The following FLT1 variants were observed in gnomAD, a reference collection of about 807,000 sequenced individuals.
FLT1 encodes the protein vascular endothelial growth factor receptor 1.
Under a neutral mutation model 156.3 loss-of-function variants are expected in FLT1, and 49 were observed. That is an observed-to-expected ratio of 0.31 (90% CI 0.25 to 0.40). FLT1 has a LOEUF of 0.40. FLT1 is among the 10% of genes least tolerant of loss of function. The pLI, the probability that FLT1 is intolerant of heterozygous loss-of-function variation, is 1.00. For synonymous variants in FLT1, 594 were observed against 583.8 expected (o/e 1.02, Z -0.25); for missense variants, 1,322 against 1,637.2 (o/e 0.81, Z 3.32).
At chr13:28,460,532 G>A (rs1255338977) in intron 3 of FLT1, among the ~76,000 whole-genome samples, 2 of 152,044 alleles carry the variant, frequency 1.3e-5, no homozygotes, top group Non-Finnish European at 2.9e-5. Context: ...ACTCAGTTCA[G>A]GAGTGAAATG....
At chr13:28,478,499 A>C (rs1188441286) in intron 1 of FLT1, among the ~76,000 whole-genome samples, 10 of 152,188 alleles carry the variant, frequency 6.6e-5, no homozygotes, top group Admixed American at 6.5e-4. Context: ...GATCTGGGAG[A>C]TATTTGATCA....
intron 10 of FLT1, among the ~76,000 whole-genome samples, chr13:28,410,658 T>C (rs957478401): frequency 1.3e-5 from 2 of 152,310 alleles, no homozygotes. Flanking sequence ...TCTTGGCTGC[T>C]TGAAGGGAAA....
chr13:28,481,511 A>C (rs1170968340), intron 1 of FLT1, among the ~76,000 whole-genome samples: 1 of 151,972 alleles, frequency 6.6e-6, no homozygotes, highest in Non-Finnish European at 1.5e-5. Flanking sequence ...TGAACCAATG[A>C]GGAACCATGA....
At chr13:28,306,985 T>G (rs1448863070) in intron 28 of FLT1, among the ~76,000 whole-genome samples, 4 of 152,196 alleles carry the variant, frequency 2.6e-5, no homozygotes, top group Non-Finnish European at 1.5e-5. Context: ...TTGAGGCCCT[T>G]CCTGAACATG....
At chr13:28,388,206 C>T (rs1346015594) in intron 13 of FLT1, 3 of 1,057,350 alleles carry the variant, frequency 2.8e-6, no homozygotes, top group East Asian at 5.3e-5. Context: ...TTCCAGGTTA[C>T]TAATTGTTTT....
chr13:28,467,477 A>G (rs762395744), intron 2 of FLT1, 44 bp downstream of exon 2: 27 of 1,275,490 alleles, frequency 2.1e-5, no homozygotes, highest in Non-Finnish European at 3.0e-5. Context: ...ATTTTGCCTT[A>G]GGCATGGCAA....
intron 29 of FLT1, among the ~76,000 whole-genome samples, chr13:28,303,842 CA>C (rs1487814023): frequency 6.6e-6 from 1 of 152,102 alleles, no homozygotes; most frequent in African/African-American, 2.4e-5. Flanking sequence ...ACAACAGTCT[CA>C]AAAAACAATA....
chr13:28,491,478 A>G (rs1362743135), intron 1 of FLT1, among the ~76,000 whole-genome samples: 1 of 152,182 alleles, frequency 6.6e-6, no homozygotes, highest in African/African-American at 2.4e-5. Context: ...TACTTTATAG[A>G]GTTATACATT....
intron 15 of FLT1, among the ~76,000 whole-genome samples, chr13:28,346,935 C>G (rs1872587376): frequency 1.3e-5 from 2 of 151,888 alleles, no homozygotes; most frequent in Non-Finnish European, 2.9e-5. Context: ...TTCAATGCAA[C>G]AAAGATGTAT....
chr13:28,388,506 T>C, intron 13 of FLT1: 1 of 1,039,532 alleles, frequency 9.6e-7, no homozygotes, highest in Non-Finnish European at 1.2e-6. Context: ...CAATCATAAA[T>C]AAAAACAACA....
Position 28,301,419 on chromosome 13 carries a change from G to C in FLT1, c.*1748C>G, listed in dbSNP as rs531803837. 21 of 233,124 alleles carry C rather than the reference G, an allele frequency of 9.0e-5. No individual in the cohort carries two copies. Among genetic ancestry groups the C allele is most frequent in the African/African-American group, 4.2e-4 (19 of 45,444 alleles). 14.4% of individuals were successfully genotyped at this position (233,124 alleles called of 1,614,324 possible). ...AGTCTTCCACAAAAGCCGCTGCCAG[G>C]AGCCAGTAGGCTCACTAGGGAATGT... On this transcript the variant is annotated 3_prime_UTR_variant, in exon 30 of 30. Transcript: ENST00000282397.
At chr13:28,441,116 A>T (rs11840860) in intron 3 of FLT1, among the ~76,000 whole-genome samples, 9,552 of 152,228 alleles carry the variant, frequency 0.063, 346 homozygotes, top group South Asian at 0.11. Context: ...AAGCATGCAC[A>T]CTCAAAGGCA....
At chr13:28,444,652 T>C (rs1878511983) in intron 3 of FLT1, among the ~76,000 whole-genome samples, 1 of 152,044 alleles carries the variant, frequency 6.6e-6, no homozygotes, top group Admixed American at 6.6e-5. Flanking sequence ...TTTAAAAGGA[T>C]AGAAATAATA....
At chr13:28,435,921 A>C (rs1877998439) in intron 4 of FLT1, among the ~76,000 whole-genome samples, 1 of 152,246 alleles carries the variant, frequency 6.6e-6, no homozygotes, top group Non-Finnish European at 1.5e-5. Context: ...GCAAAGGAAA[A>C]ACCCAGAAAA....
chr13:28,303,495 C>T, intron 29 of FLT1, 127 bp from the exon 30 acceptor site: 1 of 796,410 alleles, frequency 1.3e-6, no homozygotes, highest in East Asian at 2.7e-5. Context: ...TTTTGGAACC[C>T]CCCCCCCCTC....
At chr13:28,467,397 C>T in intron 2 of FLT1, 124 bp downstream of exon 2, 5 of 728,872 alleles carry the variant, frequency 6.9e-6, no homozygotes, top group Non-Finnish European at 7.2e-6. Context: ...AAGCTGGATG[C>T]CTATGGTTTG....
At chr13:28,473,790 GAAA>G (rs1880363498) in intron 1 of FLT1, among the ~76,000 whole-genome samples, 1 of 103,884 alleles carries the variant, frequency 9.6e-6, no homozygotes, top group South Asian at 3.0e-4. Flanking sequence ...AAGAAAGAAA[GAAA>G]GAAAGAAAGA....
intron 29 of FLT1, among the ~76,000 whole-genome samples, chr13:28,305,211 G>A (rs1323850871): frequency 1.3e-5 from 2 of 152,026 alleles, no homozygotes; most frequent in Non-Finnish European, 1.5e-5. Context: ...TATCCTCATG[G>A]GCGTAAAGTG....
intron 10 of FLT1, among the ~76,000 whole-genome samples, chr13:28,418,704 T>C (rs897801318): frequency 9.2e-5 from 14 of 152,096 alleles, no homozygotes; most frequent in African/African-American, 2.7e-4. Context: ...GCTGGAACCA[T>C]AGGCGCATGT....
Sources: gnomAD v4.1 joint callset for allele counts (sites outside exome capture counted in the v4.1 genomes callset) on GRCh38, gnomAD v4.1.1 for gene constraint, MANE v1.5 for transcripts, NCBI Gene and HGNC (gene_info 2026-07-23, HGNC 2026-07-21) for gene names.